The following PARD3B variants were observed in gnomAD, a reference collection of about 807,000 sequenced individuals.
The protein encoded by PARD3B is par-3 family cell polarity regulator beta.
Under a neutral mutation model 130.2 loss-of-function variants are expected in PARD3B, and 103 were observed. The ratio of observed to expected loss-of-function variants is 0.79; its 90% CI spans 0.67 to 0.93. The LOEUF (loss-of-function observed/expected upper bound fraction) is 0.93, where lower values mean the gene tolerates loss of function less well. PARD3B is among the 40% of genes least tolerant of loss of function. PARD3B has a pLI of 0.00. For missense variants in PARD3B, 1,609 were observed against 1,499.2 expected, an observed-to-expected ratio of 1.07 and a Z score of -1.21; for synonymous variants, 583 against 553.2, an observed-to-expected ratio of 1.05 and a Z score of -0.76.
chr2:205,544,417 A>G (rs185549964), intron 21 of PARD3B, among the ~76,000 whole-genome samples: 3 of 152,266 alleles, frequency 2.0e-5, no homozygotes, highest in Admixed American at 1.3e-4. Flanking sequence ...TTGCTCTTCA[A>G]GCTTGTTGGC....
At chr2:204,744,517 G>A (rs75163780) in intron 2 of PARD3B, among the ~76,000 whole-genome samples, 4,195 of 152,262 alleles carry the variant, frequency 0.028, 183 homozygotes, top group African/African-American at 0.096. Flanking sequence ...AGAAACTGGG[G>A]AGGATGCAGC....
chr2:205,430,284 C>T (rs1181589886), intron 19 of PARD3B, among the ~76,000 whole-genome samples: 1 of 152,118 alleles, frequency 6.6e-6, no homozygotes, highest in Non-Finnish European at 1.5e-5. Flanking sequence ...TAAGTGAACC[C>T]GTGTAGTTCA....
intron 2 of PARD3B, among the ~76,000 whole-genome samples, chr2:204,719,805 A>G (rs2038910103): frequency 1.3e-5 from 2 of 152,228 alleles, no homozygotes; most frequent in Admixed American, 6.5e-5. Flanking sequence ...TTCACAGAAG[A>G]TAAGTTAAAT....
intron 1 of PARD3B, among the ~76,000 whole-genome samples, chr2:204,642,765 A>C (rs1282899668): frequency 6.6e-6 from 1 of 151,794 alleles, no homozygotes; most frequent in Non-Finnish European, 1.5e-5. Flanking sequence ...ATCATGGAGC[A>C]GACTTCCCCC....
intron 3 of PARD3B, among the ~76,000 whole-genome samples, chr2:204,991,952 A>T (rs1693737145): frequency 6.6e-6 from 1 of 151,364 alleles, no homozygotes. Context: ...AATTTGTTGG[A>T]GTTCATTGTA....
intron 20 of PARD3B, among the ~76,000 whole-genome samples, chr2:205,496,320 G>C (rs576238968): frequency 6.6e-6 from 1 of 152,106 alleles, no homozygotes; most frequent in Non-Finnish European, 1.5e-5. Context: ...GGAATTTGCT[G>C]TCCCTAATCT....
At chr2:205,131,693 A>C (rs2032011679) in intron 10 of PARD3B, among the ~76,000 whole-genome samples, 2 of 152,230 alleles carry the variant, frequency 1.3e-5, no homozygotes, top group South Asian at 4.1e-4. Context: ...TTCAAGATGC[A>C]GAGCCACATG....
Position 205,486,856 on chromosome 2 carries a change from G to A in PARD3B, c.3045-13040G>A, listed in dbSNP as rs184854928. Among the ~76,000 whole-genome samples, 237 of 152,166 alleles carry A rather than the reference G, an allele frequency of 1.6e-3. 1 individual carries two copies. Among genetic ancestry groups the A allele is most frequent in the African/African-American group, 5.1e-3 (210 of 41,510 alleles). On this transcript the variant is annotated intron_variant, in intron 20 of 22. Coordinates refer to ENST00000406610, the MANE Select transcript of PARD3B (RefSeq NM_001302769.2). ...GGGACACAGAGACAAACCGTACCAC[G>A]AGTTGAGAATCTATTTGGATTAATT...
At chr2:204,624,319 GGTGTT>G (rs1477437953) in intron 1 of PARD3B, among the ~76,000 whole-genome samples, 1 of 152,042 alleles carries the variant, frequency 6.6e-6, no homozygotes, top group Non-Finnish European at 1.5e-5. Context: ...ACAAAAGATA[GGTGTT>G]GGCAGGGATG....
At position 205,399,535 on chromosome 2, in the gene PARD3B, A is replaced by G. The variant is rs543916416; in HGVS notation, c.2631-1478A>G. Among the ~76,000 whole-genome samples the G allele has an allele frequency of 3.8e-3, 581 of 151,938 alleles. 5 individuals carry two copies. The highest frequency in any genetic ancestry group is 0.013 in the African/African-American group (526 of 41,478). Reference sequence around the variant, plus strand: ...ACGCCCGGCTAATTTTTGTATTTTTAGTAGAGACAGGGTTTCACTATGTTG... The same window carrying G: ...ACGCCCGGCTAATTTTTGTATTTTTGGTAGAGACAGGGTTTCACTATGTTG... On this transcript the variant is annotated intron_variant, in intron 18 of 22. Transcript: ENST00000406610.
At chr2:205,082,295 C>T (rs1011637163) in intron 4 of PARD3B, among the ~76,000 whole-genome samples, 9 of 152,072 alleles carry the variant, frequency 5.9e-5, no homozygotes, top group East Asian at 1.9e-4. Context: ...CCTGGAAACA[C>T]GGATAGGGCT....
At chr2:205,507,950 A>G (rs2050437150) in intron 21 of PARD3B, among the ~76,000 whole-genome samples, 1 of 152,238 alleles carries the variant, frequency 6.6e-6, no homozygotes, top group African/African-American at 2.4e-5. Flanking sequence ...AGAAATTATC[A>G]GACCTCTGGA....
chr2:205,258,323 A>G lies in PARD3B; in HGVS notation c.2185+12501A>G, dbSNP rs371261763. ...ACTCTCCTCAGGCCTTTGCACATGC[A>G]TTCGATTAGCCCAGAGTGATCTTCC... On this transcript the variant is annotated intron_variant, in intron 16 of 22. Transcript: ENST00000406610. The surrounding 1 kb of genome is among the most constrained non-coding windows in gnomAD (Gnocchi z 4.9). Among the ~76,000 whole-genome samples the G allele has an allele frequency of 3.2e-4, 48 of 152,260 alleles. No individual in the cohort carries two copies. Among genetic ancestry groups the G allele is most frequent in the Middle Eastern group, 3.4e-3 (1 of 294 alleles).
chr2:204,572,245 G>T (rs1182882837), intron 1 of PARD3B, among the ~76,000 whole-genome samples: 2 of 152,134 alleles, frequency 1.3e-5, no homozygotes, highest in Non-Finnish European at 2.9e-5. Flanking sequence ...TGGGGTGCCT[G>T]GCCTCCACAT....
rs1402948461 is a variant in PARD3B at position 205,499,954 on chromosome 2, C to G, written c.3103C>G (p.Gln1035Glu). ...RIQKLRKEYY[Q>E]ARREGFPLYE... ...CCAGAAGTTGCGGAAAGAGTATTAT[C>G]AGGCTCGGAGGGAAGGTTTCCCTTT... The change falls in exon 21 of 23, where the codon CAG becomes GAG. Residue 1035 changes from glutamine (Q) to glutamate (E), a missense_variant. Transcript: ENST00000406610. 1.2e-6 allele frequency: 2 copies of G among 1,613,832 alleles called. No homozygotes were observed. Among genetic ancestry groups the G allele is most frequent in the South Asian group, 2.2e-5 (2 of 91,062 alleles).
chr2:204,795,029 TATAG>T (rs1335701793), intron 2 of PARD3B, among the ~76,000 whole-genome samples: 1 of 152,214 alleles, frequency 6.6e-6, no homozygotes, highest in African/African-American at 2.4e-5. Flanking sequence ...TAGAACTCAG[TATAG>T]ATAGAGAAAG....
At chr2:204,997,400 A>G (rs1440898946) in intron 3 of PARD3B, among the ~76,000 whole-genome samples, 1 of 152,196 alleles carries the variant, frequency 6.6e-6, no homozygotes, top group Non-Finnish European at 1.5e-5. Context: ...CTCTGCATTT[A>G]TTTACAACTT....
chr2:205,582,338 C>T (rs571127578), intron 22 of PARD3B, among the ~76,000 whole-genome samples: 19 of 152,142 alleles, frequency 1.2e-4, no homozygotes, highest in South Asian at 2.1e-4. Context: ...AAATAACGAA[C>T]GGAAACAGAA....
intron 10 of PARD3B, among the ~76,000 whole-genome samples, chr2:205,134,843 G>A (rs764443787): frequency 2.3e-4 from 35 of 152,298 alleles, no homozygotes; most frequent in Non-Finnish European, 8.8e-5. Flanking sequence ...GGGTTGTATG[G>A]CTTCCAGGTG....
Sources: allele counts gnomAD v4.1 joint callset (sites outside exome capture counted in the v4.1 genomes callset), GRCh38; gene constraint gnomAD v4.1.1; non-coding constraint Gnocchi (gnomAD v3.1); transcripts MANE v1.5; gene names NCBI Gene and HGNC (gene_info 2026-07-23, HGNC 2026-07-21).